Variants in PCGF5 observed in about 807,000 individuals in gnomAD.
PCGF5 encodes the protein polycomb group ring finger 5, also known as polycomb group RING finger protein 5.
A neutral mutation model predicts 44.3 loss-of-function variants in PCGF5; 9 were observed. That is an observed-to-expected ratio of 0.20 (90% CI 0.12 to 0.35). The LOEUF (loss-of-function observed/expected upper bound fraction) is 0.35. PCGF5 is among the 10% of genes least tolerant of loss of function. The pLI, the probability that PCGF5 is intolerant of heterozygous loss-of-function variation, is 1.00. For missense variants in PCGF5, 146 were observed against 305.3 expected (o/e 0.48, Z 3.89); for synonymous variants, 95 against 102.5 (o/e 0.93, Z 0.44).
chr10:91,176,694 GAAT>G (rs1843714216), intron 1 of PCGF5, among the ~76,000 whole-genome samples: 1 of 151,980 alleles, frequency 6.6e-6, no homozygotes, highest in Admixed American at 6.5e-5. Context: ...CCAGTTGATC[GAAT>G]CAGCTACTGA....
At chr10:91,165,470 A>G (rs1389909806) in intron 1 of PCGF5, among the ~76,000 whole-genome samples, 1 of 152,210 alleles carries the variant, frequency 6.6e-6, no homozygotes, top group African/African-American at 2.4e-5. Context: ...CAGTTTGGGA[A>G]GGTTCATAAT....
At position 91,283,416 on chromosome 10, in the gene PCGF5, A is replaced by G. The variant is rs908084851; in HGVS notation, c.*5100A>G. The G allele has an allele frequency of 6.6e-6, 1 of 152,196 alleles. No individual in the cohort carries two copies. Among genetic ancestry groups the G allele is most frequent in the African/African-American group, 2.4e-5 (1 of 41,448 alleles). The allele number at this position is 152,196 out of a possible 1,614,324, so 9.4% of individuals were successfully genotyped here. A position where few individuals can be genotyped will look rare whatever the true frequency, so the allele number is the denominator to read the frequency against. On this transcript the variant is annotated 3_prime_UTR_variant, in exon 10 of 10. Transcript: ENST00000336126. ...TTAAATCTAGAATCAAGTGAAACAG[A>G]TATGTTAAATACTGAGTCTAGTTTT... is the stretch of plus-strand genomic sequence containing the variant.
rs34772046 is a variant in PCGF5, at chr10:91,251,097, A to AT, written c.326-177dup. On this transcript the variant is annotated intron_variant, in intron 5 of 9. Coordinates refer to ENST00000336126, the MANE Select transcript of PCGF5 (RefSeq NM_032373.5). ...CTTAAGCTATGTTAATAAGTTTCCA[A>AT]TTTTTTTTTTTTTTTTTTACAAAAT... Among the ~76,000 whole-genome samples, 594 of 138,708 alleles carry AT rather than the reference A, an allele frequency of 4.3e-3. 1 individual carries two copies. Among genetic ancestry groups the AT allele is most frequent in the East Asian group, 5.3e-3 (25 of 4,728 alleles). The allele number at this position is 138,708 out of a possible 152,430, so 91.0% of individuals were successfully genotyped here.
intron 3 of PCGF5, among the ~76,000 whole-genome samples, chr10:91,243,401 G>C (rs1402169222): frequency 6.6e-6 from 1 of 152,170 alleles, no homozygotes; most frequent in African/African-American, 2.4e-5. Flanking sequence ...GGGAATTTAG[G>C]CTCCTTCATT....
At chr10:91,178,580 G>A (rs1261439171) in intron 1 of PCGF5, among the ~76,000 whole-genome samples, 1 of 151,904 alleles carries the variant, frequency 6.6e-6, no homozygotes, top group Non-Finnish European at 1.5e-5. Flanking sequence ...TGTAGAGACA[G>A]GGTTTCACCA....
rs1260420420 is a variant in PCGF5 at position 91,248,649 on chromosome 10, CTT to C, written c.266-14_266-13del. On this transcript the variant is annotated splice_polypyrimidine_tract_variant and intron_variant, in intron 4 of 9. Transcript: ENST00000336126. Reference sequence around the variant, plus strand: ...ATTTCATGACTTTTACTTTTATACTCTTTCTTTTAAATTAGAAGAACTTGAGC... The same window carrying C: ...ATTTCATGACTTTTACTTTTATACTCTCTTTTAAATTAGAAGAACTTGAGC... The C allele has an allele frequency of 3.1e-6, 5 of 1,602,318 alleles. No homozygotes were observed. The East Asian group carries it at 1.1e-4, about 36-fold the overall frequency.
chr10:91,215,712 A>G (rs1844528394), upstream of PCGF5, among the ~76,000 whole-genome samples: 1 of 152,200 alleles, frequency 6.6e-6, no homozygotes, highest in South Asian at 2.1e-4. Flanking sequence ...TTCATATGCC[A>G]TTACCATTCA....
At chr10:91,209,932 A>G (rs1049057018) in intron 1 of PCGF5, among the ~76,000 whole-genome samples, 10 of 152,164 alleles carry the variant, frequency 6.6e-5, no homozygotes, top group African/African-American at 2.2e-4. Flanking sequence ...TGAGATTGAC[A>G]TGTGGAAATT....
At chr10:91,230,974 T>G (rs1467640132) in intron 2 of PCGF5, among the ~76,000 whole-genome samples, 1 of 152,100 alleles carries the variant, frequency 6.6e-6, no homozygotes, top group Non-Finnish European at 1.5e-5. Context: ...GCTCTTGAAC[T>G]CCTGGACTCA....
chr10:91,233,125 T>C (rs1845056484), intron 2 of PCGF5, among the ~76,000 whole-genome samples: 1 of 152,016 alleles, frequency 6.6e-6, no homozygotes, highest in African/African-American at 2.4e-5. Context: ...AGGGTATGTG[T>C]GAGGAATTGA....
rs1482730389 is a variant in PCGF5, at chr10:91,248,517, A to G, written c.222A>G (p.Thr74=). Residue 74 remains threonine, a synonymous_variant, in exon 4 of 10, where the codon ACA becomes ACG. Transcript: ENST00000336126. ...NPLEMLRLDN[T]LEEIIFKLVP... is the part of the protein sequence containing the mutation. ...CCCCCTTTCGAAGGTTGGACAATAC[A>G]TTAGAGGAAATTATATTTAAGCTGG... 2 of 1,612,742 alleles carry G rather than the reference A, an allele frequency of 1.2e-6. No homozygotes were observed. Among genetic ancestry groups the G allele is most frequent in the Non-Finnish European group, 1.7e-6 (2 of 1,179,110 alleles).
chr10:91,216,406 A>T (rs563027856), upstream of PCGF5, among the ~76,000 whole-genome samples: 34 of 152,276 alleles, frequency 2.2e-4, 2 homozygotes, highest in South Asian at 6.4e-3. Flanking sequence ...GAGGTACATT[A>T]TGGCTGGAGC....
intron 1 of PCGF5, among the ~76,000 whole-genome samples, chr10:91,221,555 C>T (rs1844680321): frequency 6.6e-6 from 1 of 152,210 alleles, no homozygotes; most frequent in Non-Finnish European, 1.5e-5. Context: ...ATTCCCTGCA[C>T]ATTCGCAGTG....
At chr10:91,204,024 C>T (rs1844299046) in intron 1 of PCGF5, among the ~76,000 whole-genome samples, 1 of 152,026 alleles carries the variant, frequency 6.6e-6, no homozygotes, top group Non-Finnish European at 1.5e-5. Flanking sequence ...AAGCATGACA[C>T]CACAAAATCA....
chr10:91,177,762 G>T (rs1444916735), intron 1 of PCGF5, among the ~76,000 whole-genome samples: 1 of 152,234 alleles, frequency 6.6e-6, no homozygotes, highest in Non-Finnish European at 1.5e-5. Context: ...GAAAAGTGCA[G>T]TATTAGGGTG....
At chr10:91,246,969 A>G (rs61875622) in intron 3 of PCGF5, among the ~76,000 whole-genome samples, 1 of 510 alleles carries the variant, frequency 2.0e-3, no homozygotes, top group African/African-American at 8.3e-3. Flanking sequence ...ATAGATGGAT[A>G]GATAGATAGA....
chr10:91,163,691 G>C (rs1458764710), intron 1 of PCGF5, among the ~76,000 whole-genome samples: 1 of 152,114 alleles, frequency 6.6e-6, no homozygotes, highest in East Asian at 1.9e-4. Flanking sequence ...ATGTCACGGA[G>C]AGGAAAGGGG....
upstream of PCGF5, among the ~76,000 whole-genome samples, chr10:91,161,517 T>C (rs1001849318): frequency 1.3e-5 from 2 of 152,210 alleles, no homozygotes; most frequent in African/African-American, 4.8e-5. Flanking sequence ...GTAAAATGAC[T>C]GGGTTCATGT....
At chr10:91,254,678 A>C (rs1845705126) in intron 6 of PCGF5, among the ~76,000 whole-genome samples, 1 of 152,090 alleles carries the variant, frequency 6.6e-6, no homozygotes, top group Non-Finnish European at 1.5e-5. Context: ...TTGCATGTAT[A>C]GTTTATACAG....
Sources: allele counts gnomAD v4.1 joint callset (sites outside exome capture counted in the v4.1 genomes callset), GRCh38; gene constraint gnomAD v4.1.1; transcripts MANE v1.5; gene names NCBI Gene and HGNC (gene_info 2026-07-23, HGNC 2026-07-21).